PRKG1: variants seen among roughly 807,000 people sequenced by gnomAD.
The protein encoded by PRKG1 is cGMP-dependent protein kinase 1.
In PRKG1, 35 loss-of-function variants were observed where a neutral mutation model predicts 88.1. The observed-to-expected ratio is 0.40, with a 90% CI of 0.30 to 0.53. The LOEUF is 0.53. Ranked by LOEUF, PRKG1 falls within the 20% of genes least tolerant of loss-of-function variation. The pLI, the probability that PRKG1 is intolerant of heterozygous loss-of-function variation, is 0.59. For missense variants in PRKG1, 540 were observed against 839.8 expected (o/e 0.64, Z 4.41); for synonymous variants, 303 against 292.5 (o/e 1.04, Z -0.37).
intron 2 of PRKG1, among the ~76,000 whole-genome samples, chr10:51,313,685 C>T (rs2132494394): frequency 6.6e-6 from 1 of 152,270 alleles, no homozygotes; most frequent in East Asian, 1.9e-4. Context: ...GGATTGGTTC[C>T]AGGACCCAGA....
chr10:52,120,754 G>C (rs998685016), intron 7 of PRKG1, among the ~76,000 whole-genome samples: 2 of 152,110 alleles, frequency 1.3e-5, no homozygotes, highest in Non-Finnish European at 2.9e-5. Context: ...GCTTTAGTCC[G>C]CCCTGTCAGT....
chr10:51,790,353 G>A (rs1174787705), intron 3 of PRKG1, among the ~76,000 whole-genome samples: 1 of 152,084 alleles, frequency 6.6e-6, no homozygotes, highest in Admixed American at 6.6e-5. Context: ...ACCATTAAAA[G>A]ACATAAATGA....
chr10:51,151,009 G>A (rs1846058257), intron 1 of PRKG1, among the ~76,000 whole-genome samples: 1 of 151,540 alleles, frequency 6.6e-6, no homozygotes, highest in South Asian at 2.1e-4. Context: ...TCTTTATAGG[G>A]TACTATTAAT....
At chr10:51,039,699 A>G (rs540876020) in intron 1 of PRKG1, among the ~76,000 whole-genome samples, 27 of 152,230 alleles carry the variant, frequency 1.8e-4, no homozygotes, top group Admixed American at 1.5e-3. Context: ...AGTTTTCCCA[A>G]TGTTTCTTTA....
chr10:51,470,027 G>A (rs1588989900), intron 3 of PRKG1, among the ~76,000 whole-genome samples: 1 of 151,712 alleles, frequency 6.6e-6, no homozygotes, highest in South Asian at 2.1e-4. Context: ...TTGTACTTGT[G>A]ACTGTAGGCC....
At chr10:51,616,483 C>T (rs1431392799) in intron 3 of PRKG1, among the ~76,000 whole-genome samples, 1 of 152,026 alleles carries the variant, frequency 6.6e-6, no homozygotes, top group Non-Finnish European at 1.5e-5. Context: ...GTCTACAGTC[C>T]CCCAGGTGGC....
intron 1 of PRKG1, among the ~76,000 whole-genome samples, chr10:51,131,304 GT>G (rs1166701117): frequency 6.6e-6 from 1 of 152,118 alleles, no homozygotes; most frequent in Non-Finnish European, 1.5e-5. Flanking sequence ...TTTTTGTAGA[GT>G]TTATTCTACA....
chr10:51,579,337 C>T (rs970587224), intron 3 of PRKG1, among the ~76,000 whole-genome samples: 1 of 151,850 alleles, frequency 6.6e-6, no homozygotes, highest in Non-Finnish European at 1.5e-5. Context: ...TTGTGAAATG[C>T]ACATGAAATT....
chr10:52,079,062 C>G lies in PRKG1; in HGVS notation c.935+16431C>G, dbSNP rs995634997. Among the ~76,000 whole-genome samples, 6 of 152,210 alleles carry G rather than the reference C, an allele frequency of 3.9e-5. No individual in the cohort carries two copies. The South Asian group carries it at 1.2e-3, about 32-fold the overall frequency. Reference sequence around the variant, plus strand: ...TTAATTGCTCTTCAAACAGTTTCCTCTGTTAAGAACACTTACATTTACCTG... The same window carrying G: ...TTAATTGCTCTTCAAACAGTTTCCTGTGTTAAGAACACTTACATTTACCTG... On this transcript the variant is annotated intron_variant, in intron 7 of 17. Coordinates refer to ENST00000373980, the MANE Select transcript of PRKG1 (RefSeq NM_006258.4).
intron 2 of PRKG1, among the ~76,000 whole-genome samples, chr10:51,348,602 C>A (rs1842167606): frequency 6.6e-6 from 1 of 152,086 alleles, no homozygotes; most frequent in South Asian, 2.1e-4. Context: ...TATTTTTTAC[C>A]AGATTGTCTC....
At chr10:51,036,674 AG>A (rs1434579612) in intron 1 of PRKG1, among the ~76,000 whole-genome samples, 3 of 152,162 alleles carry the variant, frequency 2.0e-5, no homozygotes, top group Non-Finnish European at 4.4e-5. Flanking sequence ...TTTACCTCTT[AG>A]GGGATTAAGT....
chr10:52,142,482 A>G (rs1312784431), intron 8 of PRKG1, among the ~76,000 whole-genome samples: 1 of 152,152 alleles, frequency 6.6e-6, no homozygotes, highest in Non-Finnish European at 1.5e-5. Flanking sequence ...TTGAACTAAA[A>G]TATTTTCATT....
At chr10:51,239,724 A>G (rs903442416) in intron 2 of PRKG1, among the ~76,000 whole-genome samples, 1 of 152,132 alleles carries the variant, frequency 6.6e-6, no homozygotes, top group Admixed American at 6.6e-5. Flanking sequence ...TGGTTACAAG[A>G]AAGCAGGTAA....
intron 2 of PRKG1, among the ~76,000 whole-genome samples, chr10:51,374,228 C>T (rs1842770580): frequency 6.6e-6 from 1 of 150,950 alleles, no homozygotes; most frequent in Non-Finnish European, 1.5e-5. Context: ...TAATGCAGTC[C>T]CTCCCCTAGC....
chr10:51,170,899 G>A (rs896160615), intron 2 of PRKG1, among the ~76,000 whole-genome samples: 1 of 152,070 alleles, frequency 6.6e-6, no homozygotes, highest in African/African-American at 2.4e-5. Context: ...GAGCAAAAGA[G>A]CACCATGCTC....
intron 2 of PRKG1, among the ~76,000 whole-genome samples, chr10:51,238,373 G>A (rs974434742): frequency 9.5e-4 from 144 of 152,136 alleles, no homozygotes; most frequent in Non-Finnish European, 2.9e-4. Context: ...CTGAGGTCAG[G>A]AGTTTGAGAC....
chr10:51,927,750 G>A (rs1019050669), intron 5 of PRKG1, among the ~76,000 whole-genome samples: 5 of 152,134 alleles, frequency 3.3e-5, no homozygotes, highest in Admixed American at 3.3e-4. Flanking sequence ...AACAAAAGTT[G>A]ACACTTCCCT....
At chr10:52,113,669 T>A (rs1172283456) in intron 7 of PRKG1, among the ~76,000 whole-genome samples, 1 of 152,100 alleles carries the variant, frequency 6.6e-6, no homozygotes, top group Non-Finnish European at 1.5e-5. Context: ...TTCTCAATTG[T>A]GTGATTAAGA....
At chr10:51,838,521 A>G (rs1396839615) in intron 4 of PRKG1, among the ~76,000 whole-genome samples, 1 of 152,212 alleles carries the variant, frequency 6.6e-6, no homozygotes, top group East Asian at 1.9e-4. Context: ...TCCTGTACTT[A>G]TTTTTAAAGG....
Sources: allele counts gnomAD v4.1 joint callset (sites outside exome capture counted in the v4.1 genomes callset), GRCh38; gene constraint gnomAD v4.1.1; transcripts MANE v1.5; gene names NCBI Gene and HGNC (gene_info 2026-07-23, HGNC 2026-07-21).